SERGEF: variants seen among roughly 807,000 people sequenced by gnomAD.
The protein encoded by SERGEF is secretion regulating guanine nucleotide exchange factor.
Under a neutral mutation model 50.0 loss-of-function variants are expected in SERGEF, and 51 were observed. The ratio of observed to expected loss-of-function variants is 1.02; its 90% confidence interval spans 0.81 to 1.29. SERGEF has a LOEUF of 1.29. Among genes scored for constraint, SERGEF ranks in the 50% most tolerant of loss-of-function variants. The probability of loss-of-function intolerance (pLI) is 0.00; values close to 1 mark genes in which losing one functional copy is unlikely to be tolerated. For missense variants in SERGEF, 521 were observed against 557.0 expected (o/e 0.94, Z 0.65); for synonymous variants, 205 against 212.4 (o/e 0.97, Z 0.30).
intron 6 of SERGEF, among the ~76,000 whole-genome samples, chr11:17,993,260 A>C (rs965449762): frequency 2.0e-5 from 3 of 152,240 alleles, no homozygotes; most frequent in Non-Finnish European, 4.4e-5. Context: ...AGATATGAAA[A>C]GGGGAAAGGC....
At chr11:17,944,181 CCTCCCAAA>C (rs1331670408) in intron 9 of SERGEF, among the ~76,000 whole-genome samples, 1 of 152,180 alleles carries the variant, frequency 6.6e-6, no homozygotes, top group Non-Finnish European at 1.5e-5. Context: ...CCCGCCTCGG[CCTCCCAAA>C]GTGCTGGGAT....
At chr11:17,834,079 G>A (rs984012468) in intron 10 of SERGEF, among the ~76,000 whole-genome samples, 5 of 152,144 alleles carry the variant, frequency 3.3e-5, no homozygotes, top group African/African-American at 9.7e-5. Context: ...GTTTAGCTCC[G>A]TGTCCCCATC....
chr11:17,985,920 T>C (rs1449243265), intron 8 of SERGEF, among the ~76,000 whole-genome samples: 1 of 152,156 alleles, frequency 6.6e-6, no homozygotes, highest in Non-Finnish European at 1.5e-5. Flanking sequence ...AGACTGCCCT[T>C]GCATTGTAGG....
At chr11:17,838,986 T>A (rs1010284498) in intron 10 of SERGEF, among the ~76,000 whole-genome samples, 1 of 152,186 alleles carries the variant, frequency 6.6e-6, no homozygotes, top group Non-Finnish European at 1.5e-5. Context: ...CATGTTCTCT[T>A]AATCTGAATA....
chr11:17,928,780 GA>G (rs202065121), intron 9 of SERGEF, among the ~76,000 whole-genome samples: 1 of 149,928 alleles, frequency 6.7e-6, no homozygotes, highest in East Asian at 2.0e-4. Context: ...ATTTAAACCT[GA>G]AAAAAAAAGG....
rs575075367 is a variant in SERGEF at position 17,847,013 on chromosome 11, T to A, written c.1048+31195A>T. ...ACTGCAGTCATGTGAGGATGTCAGA[T>A]CTGCACCTCACCTCCACACTGGCTG... On this transcript the variant is annotated intron_variant, in intron 10 of 10. Transcript: ENST00000265965. Among the ~76,000 whole-genome samples the A allele has an allele frequency of 3.3e-5, 5 of 152,302 alleles. No individual in the cohort carries two copies. In the South Asian group the frequency reaches 1.0e-3, roughly 32 times the overall value.
intron 9 of SERGEF, among the ~76,000 whole-genome samples, chr11:17,916,096 C>A (rs1432677862): frequency 6.6e-6 from 1 of 152,154 alleles, no homozygotes; most frequent in African/African-American, 2.4e-5. Context: ...TCACAGCATC[C>A]ATCTGGATGC....
chr11:18,011,473 A>C (rs929204983), intron 1 of SERGEF, among the ~76,000 whole-genome samples: 1 of 152,186 alleles, frequency 6.6e-6, no homozygotes, highest in African/African-American at 2.4e-5. Context: ...GGAGAAACCA[A>C]ACCTACTCAC....
intron 8 of SERGEF, among the ~76,000 whole-genome samples, chr11:17,970,485 G>T (rs1202470974): frequency 6.6e-6 from 1 of 152,046 alleles, no homozygotes; most frequent in Admixed American, 6.6e-5. Flanking sequence ...CCCTACCATG[G>T]CCTCTAAGTA....
chr11:17,860,012 T>C (rs1229701602), intron 10 of SERGEF, among the ~76,000 whole-genome samples: 2 of 152,178 alleles, frequency 1.3e-5, no homozygotes, highest in African/African-American at 4.8e-5. Context: ...GGAAATGGTA[T>C]AGAGAAGTCA....
intron 9 of SERGEF, among the ~76,000 whole-genome samples, chr11:17,919,225 T>G (rs1024443264): frequency 2.5e-4 from 38 of 152,110 alleles, no homozygotes; most frequent in Non-Finnish European, 5.9e-5. Context: ...AAGGAATGAA[T>G]AAATGAGTAC....
intron 9 of SERGEF, among the ~76,000 whole-genome samples, chr11:17,937,269 C>T (rs532154580): frequency 7.2e-5 from 11 of 152,254 alleles, no homozygotes; most frequent in East Asian, 3.9e-4. Context: ...TGGTGGCTCA[C>T]GCCTATAATC....
Position 17,833,898 on chromosome 11 carries a change from C to T in SERGEF, c.1048+44310G>A, listed in dbSNP as rs529502002. On this transcript the variant is annotated intron_variant, in intron 10 of 10. Coordinates refer to ENST00000265965, the MANE Select transcript of SERGEF (RefSeq NM_012139.4). ...AGTAACTAATTTGCTTTAGATTTTA[C>T]AGACTCATAGGCAGAAGGGACTTGC... Among the ~76,000 whole-genome samples the T allele has an allele frequency of 2.9e-3, 442 of 152,284 alleles. 2 individuals are homozygous for T. The highest frequency in any genetic ancestry group is 6.4e-3 in the South Asian group (31 of 4,810).
Position 18,013,005 on chromosome 11 carries a change from C to G in SERGEF, c.6G>C (p.Glu2Asp). ...CGGCCTCCGAGGCGCTGGGCTCGCGCTCCATGCGAGGACGCTCCGCCGGCG... is the reference window on the plus strand; with the variant it reads ...CGGCCTCCGAGGCGCTGGGCTCGCGGTCCATGCGAGGACGCTCCGCCGGCG... Reference protein sequence around the residue: MEREPSASEAAP... With the variant: MDREPSASEAAP... The change falls in exon 1 of 11, where the codon GAG becomes GAC. Residue 2 changes from glutamate (E) to aspartate (D), a missense_variant. Physicochemically the swap from Glu to Asp is conservative, Grantham distance 45 (BLOSUM62 2). Coordinates refer to ENST00000265965, the MANE Select transcript of SERGEF (RefSeq NM_012139.4). The surrounding 1 kb of genome is among the most constrained non-coding windows in gnomAD (Gnocchi z 4.3). The G allele has an allele frequency of 9.1e-6, 13 of 1,428,848 alleles. No homozygotes were observed. Among genetic ancestry groups the G allele is most frequent in the Non-Finnish European group, 1.2e-5 (13 of 1,102,604 alleles). The allele number at this position is 1,428,848 out of a possible 1,614,324, so 88.5% of individuals were successfully genotyped here.
intron 9 of SERGEF, among the ~76,000 whole-genome samples, chr11:17,950,588 G>A (rs902150276): frequency 5.3e-5 from 8 of 152,180 alleles, no homozygotes; most frequent in Non-Finnish European, 1.5e-5. Context: ...AGCTGTCACT[G>A]TATTAGGCAC....
At chr11:18,009,707 C>T (rs1485242427) in intron 1 of SERGEF, among the ~76,000 whole-genome samples, 1 of 152,156 alleles carries the variant, frequency 6.6e-6, no homozygotes, top group African/African-American at 2.4e-5. Flanking sequence ...TTCCCCTTGA[C>T]AGGCAATATG....
At chr11:17,911,879 C>A (rs922459542) in intron 9 of SERGEF, among the ~76,000 whole-genome samples, 2 of 152,070 alleles carry the variant, frequency 1.3e-5, no homozygotes, top group African/African-American at 4.8e-5. Flanking sequence ...TTTTGAATGA[C>A]AACTCATTAA....
chr11:17,970,845 G>A (rs1335496647), intron 8 of SERGEF, among the ~76,000 whole-genome samples: 1 of 152,036 alleles, frequency 6.6e-6, no homozygotes, highest in East Asian at 1.9e-4. Flanking sequence ...GAGACGTGAG[G>A]GAACTGAGGA....
intron 8 of SERGEF, among the ~76,000 whole-genome samples, chr11:17,976,937 T>G (rs530777975): frequency 6.6e-6 from 1 of 152,292 alleles, no homozygotes; most frequent in Non-Finnish European, 1.5e-5. Flanking sequence ...AAGCTGGTCT[T>G]AAAACGCTGG....
Sources: allele counts gnomAD v4.1 joint callset (sites outside exome capture counted in the v4.1 genomes callset), GRCh38; gene constraint gnomAD v4.1.1; non-coding constraint Gnocchi (gnomAD v3.1); transcripts MANE v1.5; gene names NCBI Gene and HGNC (gene_info 2026-07-23, HGNC 2026-07-21).